The following ROBO2 variants were observed in gnomAD, a reference collection of about 807,000 sequenced individuals.
ROBO2 encodes roundabout homolog 2.
In ROBO2, 53 loss-of-function variants were observed where a neutral mutation model predicts 160.8. The ratio of observed to expected loss-of-function variants is 0.33; its 90% CI spans 0.26 to 0.41. ROBO2 has a LOEUF of 0.41. Ranked by LOEUF, ROBO2 falls within the 10% of genes least tolerant of loss-of-function variation. The pLI is 1.00. For missense variants in ROBO2, 1,577 were observed against 1,722.4 expected, an observed-to-expected ratio of 0.92 and a Z score of 1.49; for synonymous variants, 664 against 611.7, an observed-to-expected ratio of 1.09 and a Z score of -1.26.
chr3:77,475,538 C>T (rs1028546720), intron 2 of ROBO2, among the ~76,000 whole-genome samples: 4 of 152,136 alleles, frequency 2.6e-5, no homozygotes, highest in African/African-American at 9.7e-5. Flanking sequence ...TTTAGGAGAG[C>T]AGATCTGGAG....
At chr3:76,399,642 G>A (rs1437941827) in intron 2 of ROBO2, among the ~76,000 whole-genome samples, 1 of 151,676 alleles carries the variant, frequency 6.6e-6, no homozygotes, top group Non-Finnish European at 1.5e-5. Flanking sequence ...CATGTATGAA[G>A]TGATAAAATT....
chr3:76,844,376 A>C (rs2068583647), intron 2 of ROBO2, among the ~76,000 whole-genome samples: 1 of 152,022 alleles, frequency 6.6e-6, no homozygotes, highest in Non-Finnish European at 1.5e-5. Flanking sequence ...AGAAAGATCT[A>C]TGTATGTAGT....
At chr3:76,249,716 AAGAC>A (rs995296132) in intron 2 of ROBO2, among the ~76,000 whole-genome samples, 13 of 152,268 alleles carry the variant, frequency 8.5e-5, no homozygotes, top group African/African-American at 3.1e-4. Context: ...AGAAAGCCAA[AAGAC>A]AGACAATTCC....
At chr3:76,809,735 TA>T (rs112443024) in intron 2 of ROBO2, among the ~76,000 whole-genome samples, 2 of 152,204 alleles carry the variant, frequency 1.3e-5, no homozygotes, top group African/African-American at 4.8e-5. Flanking sequence ...TTTCTGATTT[TA>T]AAAAAATTTT....
At chr3:76,694,411 CTG>C (rs1197025313) in intron 2 of ROBO2, among the ~76,000 whole-genome samples, 1 of 152,112 alleles carries the variant, frequency 6.6e-6, no homozygotes, top group Non-Finnish European at 1.5e-5. Flanking sequence ...AGTTCAGTGA[CTG>C]TTATATTAAG....
exon 9 of ROBO2, chr3:77,557,986 C>T: frequency 6.2e-7 from 1 of 1,613,084 alleles, no homozygotes; most frequent in African/African-American, 1.3e-5. Flanking sequence ...CAAGGCCCAG[C>T]CAACCAAACG....
chr3:77,574,474 A>C (rs1375104012), intron 13 of ROBO2, 25 bp from the exon 15 acceptor site: 4 of 1,587,678 alleles, frequency 2.5e-6, no homozygotes, highest in Non-Finnish European at 3.5e-6. Flanking sequence ...CTTTAGTTTC[A>C]AATGCCCTTA....
intron 2 of ROBO2, among the ~76,000 whole-genome samples, chr3:77,299,823 G>C (rs1031781396): frequency 1.3e-5 from 2 of 152,118 alleles, no homozygotes; most frequent in Non-Finnish European, 2.9e-5. Context: ...AGGGACGATA[G>C]AGTGGTGAGT....
chr3:77,291,728 T>G (rs532944315), intron 2 of ROBO2, among the ~76,000 whole-genome samples: 4 of 149,078 alleles, frequency 2.7e-5, no homozygotes, highest in South Asian at 4.2e-4. Flanking sequence ...AAATTGACAG[T>G]TAAACGGGTA....
intron 2 of ROBO2, among the ~76,000 whole-genome samples, chr3:76,570,359 A>T (rs550497315): frequency 1.3e-5 from 2 of 152,192 alleles, no homozygotes; most frequent in Non-Finnish European, 2.9e-5. Flanking sequence ...AGAGAGGATA[A>T]ATCATAGAAA....
Position 76,001,437 on chromosome 3 carries a change from T to G in ROBO2, c.109+63835T>G, listed in dbSNP as rs533292037. 2.0e-5 allele frequency among the ~76,000 whole-genome samples: 3 copies of G among 152,348 alleles called. No individual in the cohort carries two copies. In the South Asian group the frequency reaches 6.2e-4, roughly 32 times the overall value. The stretch of plus-strand genomic sequence containing the variant: ...CAGTGTCACTGAGATCTCACTCTTC[T>G]AAAAAGAATTTTCTTCTCATTGAAA... On this transcript the variant is annotated intron_variant, in intron 2 of 26. Coordinates refer to the ROBO2 transcript ENST00000487694.
chr3:77,350,010 A>G (rs1189935171), intron 2 of ROBO2, among the ~76,000 whole-genome samples: 2 of 151,842 alleles, frequency 1.3e-5, no homozygotes, highest in African/African-American at 4.8e-5. Context: ...TTACTTTTGG[A>G]AGAAAAGACA....
At chr3:76,594,210 G>A (rs969369393) in intron 2 of ROBO2, among the ~76,000 whole-genome samples, 1 of 151,940 alleles carries the variant, frequency 6.6e-6, no homozygotes, top group African/African-American at 2.4e-5. Flanking sequence ...AAGTTGCAGA[G>A]CTAGTTGAGA....
intron 1 of ROBO2, among the ~76,000 whole-genome samples, chr3:77,054,423 A>G (rs997373519): frequency 6.6e-6 from 1 of 152,180 alleles, no homozygotes; most frequent in East Asian, 1.9e-4. Context: ...TTCAAGAGTA[A>G]TATTTTCTGT....
chr3:76,719,373 C>T (rs1576216136), intron 2 of ROBO2, among the ~76,000 whole-genome samples: 1 of 152,116 alleles, frequency 6.6e-6, no homozygotes, highest in South Asian at 2.1e-4. Context: ...GTGTCACTCT[C>T]ATCCAGGCTG....
chr3:76,228,796 A>T (rs1050294221), intron 2 of ROBO2, among the ~76,000 whole-genome samples: 5 of 152,224 alleles, frequency 3.3e-5, no homozygotes, highest in Admixed American at 3.3e-4. Context: ...TAAGTGGATA[A>T]ACAAATGTTG....
At chr3:76,010,452 A>G (rs2066161499) in intron 2 of ROBO2, among the ~76,000 whole-genome samples, 1 of 152,186 alleles carries the variant, frequency 6.6e-6, no homozygotes. Flanking sequence ...ACTTCCTGTC[A>G]CTGTCCCAGA....
chr3:76,097,492 C>G (rs2069502618), intron 2 of ROBO2, among the ~76,000 whole-genome samples: 1 of 152,072 alleles, frequency 6.6e-6, no homozygotes, highest in East Asian at 1.9e-4. Context: ...GAATATTTAG[C>G]TAAATCTAAG....
intron 2 of ROBO2, among the ~76,000 whole-genome samples, chr3:76,786,817 T>C (rs1309422659): frequency 6.6e-6 from 1 of 151,318 alleles, no homozygotes; most frequent in Non-Finnish European, 1.5e-5. Flanking sequence ...ATATAAACTA[T>C]GTAAATAATG....
Sources: gnomAD v4.1 joint callset for allele counts (sites outside exome capture counted in the v4.1 genomes callset) on GRCh38, gnomAD v4.1.1 for gene constraint, MANE v1.5 for transcripts, NCBI Gene and HGNC (gene_info 2026-07-23, HGNC 2026-07-21) for gene names.